Variants in NEK8 observed in about 807,000 individuals in gnomAD.
NEK8 encodes NIMA related kinase 8.
Under a neutral mutation model 77.2 loss-of-function variants are expected in NEK8, and 51 were observed. The observed-to-expected ratio is 0.66, with a 90% CI of 0.53 to 0.83. The LOEUF (loss-of-function observed/expected upper bound fraction) is 0.83, where lower values mean the gene tolerates loss of function less well. Ranked by LOEUF, NEK8 falls within the 40% of genes least tolerant of loss-of-function variation. The probability of loss-of-function intolerance (pLI) is 0.00; values close to 1 mark genes in which losing one functional copy is unlikely to be tolerated. For synonymous variants in NEK8, 365 were observed against 363.2 expected (o/e 1.00, Z -0.06); for missense variants, 787 against 909.2 (o/e 0.87, Z 1.73).
rs937336953 is a variant in NEK8, at chr17:28,740,214, G to A, written c.1418-249G>A. On this transcript the variant is annotated intron_variant, in intron 10 of 14. Coordinates refer to ENST00000268766, the MANE Select transcript of NEK8 (RefSeq NM_178170.3). This position sits in a 1 kb window ranked among gnomAD's most constrained non-coding sequence, Gnocchi z 4.7. ...CAGGAGAATCGCTTGAACCCAGGAG[G>A]CAGAGGTTGCAGTGAGTGAAGATCA... 2.6e-5 allele frequency among the ~76,000 whole-genome samples: 4 copies of A among 152,138 alleles called. No individual in the cohort carries two copies. Among genetic ancestry groups the A allele is most frequent in the African/African-American group, 9.7e-5 (4 of 41,414 alleles).
rs878924117 is a variant in NEK8 at position 28,737,760 on chromosome 17, C to T, written c.889+24C>T. 1 of 1,614,108 alleles carries T rather than the reference C, an allele frequency of 6.2e-7. No homozygotes were observed. On this transcript the variant is annotated intron_variant, in intron 6 of 14. Transcript: ENST00000268766. This position sits in a 1 kb window ranked among gnomAD's most constrained non-coding sequence, Gnocchi z 4.8. ...AGGTAAGTGGGAAGAGGCCGCCAGTCCCCATGGATGCCACACCATTCCCAT... is the reference window on the plus strand; with the variant it reads ...AGGTAAGTGGGAAGAGGCCGCCAGTTCCCATGGATGCCACACCATTCCCAT...
At position 28,737,729 on chromosome 17, in the gene NEK8, C is replaced by T; in HGVS notation, c.882C>T (p.Arg294=). The T allele has an allele frequency of 6.2e-7, 1 of 1,614,168 alleles. No homozygotes were observed. Among genetic ancestry groups the T allele is most frequent in the Non-Finnish European group, 8.5e-7 (1 of 1,180,020 alleles). The change falls in exon 6 of 15, where the codon CGC becomes CGT. Residue 294 remains arginine (R), a synonymous_variant. Coordinates refer to ENST00000268766, the MANE Select transcript of NEK8 (RefSeq NM_178170.3). The surrounding 1 kb of genome is among the most constrained non-coding windows in gnomAD (Gnocchi z 4.8). ...SNTGSRTTSV[R]CRGIPRGPVR... ...CAGGGAGCAGGACCACCAGTGTCCG[C>T]TGCAGAGGTAAGTGGGAAGAGGCCG...
At position 28,743,357 on chromosome 17, in the gene NEK8, C is replaced by T. The variant is rs1296211069; in HGVS notation, c.*1370C>T. The T allele has an allele frequency of 6.6e-6, 1 of 152,432 alleles. No individual in the cohort carries two copies. Among genetic ancestry groups the T allele is most frequent in the Non-Finnish European group, 1.5e-5 (1 of 68,212 alleles). The allele number at this position is 152,432 out of a possible 1,614,324, so 9.4% of individuals were successfully genotyped here. On this transcript the variant is annotated 3_prime_UTR_variant, in exon 15 of 15. Coordinates refer to ENST00000268766, the MANE Select transcript of NEK8 (RefSeq NM_178170.3). ...ATCCGCGCTGGAGATTGCCCGTCCC[C>T]CCCATGCCTTTCCCCAGAAACAGTT...
chr17:28,733,831 G>C (rs1162020409), intron 1 of NEK8, 152 bp from the exon 2 acceptor site: 2 of 711,594 alleles, frequency 2.8e-6, no homozygotes, highest in African/African-American at 3.5e-5. Flanking sequence ...AGTTCTCCCT[G>C]TTCCCAAGTT....
chr17:28,738,449 T>C (rs955122928), intron 8 of NEK8, among the ~76,000 whole-genome samples: 2 of 152,178 alleles, frequency 1.3e-5, no homozygotes, highest in Non-Finnish European at 2.9e-5. Flanking sequence ...TATTATATTA[T>C]CCTCATTTGA....
In NEK8 at chr17:28,738,151, A is replaced by C; in HGVS notation, c.1128A>C (p.Pro376=). Residue 376 remains proline, a synonymous_variant, in exon 8 of 15, where the codon CCA becomes CCC. Coordinates refer to ENST00000268766, the MANE Select transcript of NEK8 (RefSeq NM_178170.3). ...GSLLPGAVEQ[P]QPQFISRFLE... ...TCCTTCCTGGGGCAGTGGAGCAGCCACAGCCCCAGTTCATCTCGCGTTTCC... is the reference window on the plus strand; with the variant it reads ...TCCTTCCTGGGGCAGTGGAGCAGCCCCAGCCCCAGTTCATCTCGCGTTTCC... 6.2e-7 allele frequency: 1 copy of C among 1,614,116 alleles called. No homozygotes were observed. Among genetic ancestry groups the C allele is most frequent in the Non-Finnish European group, 8.5e-7 (1 of 1,179,986 alleles).
rs766042884 is a variant in NEK8 at position 28,741,986 on chromosome 17, G to A, written c.2078G>A (p.Ter693=). Residue 693 remains the stop codon, a stop_retained_variant, in exon 15 of 15, where the codon TGA becomes TAA. Transcript: ENST00000268766. The surrounding 1 kb of genome is among the most constrained non-coding windows in gnomAD (Gnocchi z 4.5). ...RSVTDEPVPP[*] ...GTCACAGATGAGCCGGTCCCCCCCT[G>A]AGGCACCCGGATTCACCTCTGGACC... 2 of 1,613,860 alleles carry A rather than the reference G, an allele frequency of 1.2e-6. No homozygotes were observed. Among genetic ancestry groups the A allele is most frequent in the South Asian group, 2.2e-5 (2 of 91,082 alleles).
At position 28,741,118 on chromosome 17, in the gene NEK8, ACAGTTGGGCACCAATACTCGCCGAGG is replaced by A; in HGVS notation, c.1778_1803del (p.Leu593SerfsTer5). 1.9e-6 allele frequency: 3 copies of A among 1,614,134 alleles called. No individual in the cohort carries two copies. The highest frequency in any genetic ancestry group is 1.7e-6 in the Non-Finnish European group (2 of 1,180,014). ...ACACTTTTGGCAGCAATCAGCACGG[ACAGTTGGGCACCAATACTCGCCGAGG>A]CAGTCGGGCACCCTGTAAGGTCCAA... On this transcript the variant is annotated frameshift_variant, in exon 13 of 15. Transcript: ENST00000268766. LOFTEE classifies it high-confidence loss of function. The surrounding 1 kb of genome is among the most constrained non-coding windows in gnomAD (Gnocchi z 4.5).
At position 28,737,249 on chromosome 17, in the gene NEK8, T is replaced by C; in HGVS notation, c.619-57T>C. The C allele has an allele frequency of 6.5e-7, 1 of 1,539,750 alleles. No individual in the cohort carries two copies. The highest frequency in any genetic ancestry group is 8.8e-7 in the Non-Finnish European group (1 of 1,136,678). On this transcript the variant is annotated intron_variant, in intron 4 of 14. Transcript: ENST00000268766. The surrounding 1 kb of genome is among the most constrained non-coding windows in gnomAD (Gnocchi z 4.8). ...GTTATTATCCCAGGAGACCAGGGGC[T>C]GGAGCTGGGGGGTGCTGCCCTCACT...
In NEK8 at chr17:28,743,102, AG is replaced by A. The variant is rs1181110702; in HGVS notation, c.*1116del. 17 of 146,832 alleles carry A rather than the reference AG, an allele frequency of 1.2e-4. No homozygotes were observed. The highest frequency in any genetic ancestry group is 4.0e-4 in the Admixed American group (6 of 14,820). 9.1% of individuals were successfully genotyped at this position (146,832 alleles called of 1,614,324 possible). On this transcript the variant is annotated 3_prime_UTR_variant, in exon 15 of 15. Coordinates refer to ENST00000268766, the MANE Select transcript of NEK8 (RefSeq NM_178170.3). ...AAAAAAAAAAAAAAAAAAAAAAAAA[AG>A]TATTTGGTGCTTACCGGGACTCTAT...
rs183679495 is a variant in NEK8 at position 28,738,069 on chromosome 17, C to T, written c.1072-26C>T. On this transcript the variant is annotated intron_variant, in intron 7 of 14. Transcript: ENST00000268766. ...CCACAGCAGGGTTGGGGTGCTCAGG[C>T]GCTGCCCATCCCCCTGCCCCTGCAG... is the stretch of plus-strand genomic sequence containing the variant. 91 of 1,612,526 alleles carry T rather than the reference C, an allele frequency of 5.6e-5. 1 individual carries two copies. The East Asian group carries it at 6.2e-4, about 11-fold the overall frequency.
intron 1 of NEK8, among the ~76,000 whole-genome samples, chr17:28,731,524 T>C (rs1164690171): frequency 1.3e-5 from 2 of 151,954 alleles, no homozygotes; most frequent in Non-Finnish European, 2.9e-5. Context: ...GGCAACAGAG[T>C]GAGACTCCTT....
chr17:28,729,532 A>ATTTTTT (rs10523946), intron 1 of NEK8, among the ~76,000 whole-genome samples: 2 of 98,350 alleles, frequency 2.0e-5, no homozygotes, highest in Admixed American at 1.2e-4. Context: ...AATTTTTTGG[A>ATTTTTT]TTTTTTTTTT....
intron 3 of NEK8, 32 bp from the exon 4 acceptor site, chr17:28,735,207 TG>T (rs1389741039): frequency 1.2e-6 from 2 of 1,613,684 alleles, no homozygotes; most frequent in Non-Finnish European, 1.7e-6. Context: ...CTTCCCTCCC[TG>T]CAGGGCTGTG....
At position 28,729,012 on chromosome 17, in the gene NEK8, G is replaced by A. The variant is rs1392232322; in HGVS notation, c.47+152G>A. ...CAAGCTTCCGGTCCCAGTCCCCCGG[G>A]GAGACTCCGCCTCTACGGAGGCCAC... On this transcript the variant is annotated intron_variant, in intron 1 of 14. Transcript: ENST00000268766. 4 of 715,638 alleles carry A rather than the reference G, an allele frequency of 5.6e-6. No individual in the cohort carries two copies. The Admixed American group carries it at 9.1e-5, about 16-fold the overall frequency. The allele number at this position is 715,638 out of a possible 1,614,324, so 44.3% of individuals were successfully genotyped here.
In NEK8 at chr17:28,742,030, C is replaced by A. The variant is rs763161031; in HGVS notation, c.*43C>A. The A allele has an allele frequency of 6.3e-7, 1 of 1,588,136 alleles. No individual in the cohort carries two copies. ...CTGGACCACCCTGATATTGCTTCTC[C>A]TCTGAATGCTCTGAAAAGTGCAGGT... On this transcript the variant is annotated 3_prime_UTR_variant, in exon 15 of 15. Coordinates refer to ENST00000268766, the MANE Select transcript of NEK8 (RefSeq NM_178170.3).
rs1567762925 is a variant in NEK8 at position 28,742,176 on chromosome 17, C to T, written c.*189C>T. The T allele has an allele frequency of 1.4e-6, 1 of 696,672 alleles. No individual in the cohort carries two copies. The highest frequency in any genetic ancestry group is 2.6e-6 in the Non-Finnish European group (1 of 381,980). 43.2% of individuals were successfully genotyped at this position (696,672 alleles called of 1,614,324 possible). On this transcript the variant is annotated 3_prime_UTR_variant, in exon 15 of 15. Coordinates refer to ENST00000268766, the MANE Select transcript of NEK8 (RefSeq NM_178170.3). ...AAACCTCAACCACTTTGTTCTCCTA[C>T]CACCTCTTTGCCCTTCCTACCCCTT...
rs374149079 is a variant in NEK8 at position 28,737,422 on chromosome 17, G to A, written c.735G>A (p.Gln245=). ...VLSLLSLEPA[Q]RPPLSHIMAQ... ...GTCTACTCAGCCTGGAGCCTGCCCA[G>A]CGGCCACCACTCAGCCACATCATGG... The change falls in exon 5 of 15, where the codon CAG becomes CAA. Residue 245 remains glutamine, a synonymous_variant. Coordinates refer to ENST00000268766, the MANE Select transcript of NEK8 (RefSeq NM_178170.3). This position sits in a 1 kb window ranked among gnomAD's most constrained non-coding sequence, Gnocchi z 4.8. 6.2e-7 allele frequency: 1 copy of A among 1,613,206 alleles called. No homozygotes were observed. The highest frequency in any genetic ancestry group is 2.2e-5 in the East Asian group (1 of 44,904).
chr17:28,729,532 A>ATTTTTTT (rs10523946), intron 1 of NEK8, among the ~76,000 whole-genome samples: 1 of 98,350 alleles, frequency 1.0e-5, no homozygotes. Flanking sequence ...AATTTTTTGG[A>ATTTTTTT]TTTTTTTTTT....
Sources: allele counts gnomAD v4.1 joint callset (sites outside exome capture counted in the v4.1 genomes callset), GRCh38; gene constraint gnomAD v4.1.1; non-coding constraint Gnocchi (gnomAD v3.1); transcripts MANE v1.5; gene names NCBI Gene and HGNC (gene_info 2026-07-23, HGNC 2026-07-21).